The following SOBP variants were observed in gnomAD, a reference collection of about 807,000 sequenced individuals.
The protein encoded by SOBP is sine oculis binding protein homolog.
In SOBP, 4 loss-of-function variants were observed where a neutral mutation model predicts 53.6. The observed-to-expected ratio is 0.07, with a 90% CI of 0.04 to 0.17. SOBP has a LOEUF of 0.17. SOBP is among the 10% of genes least tolerant of loss of function. SOBP has a pLI of 1.00. For missense variants in SOBP, 1,088 were observed against 1,204.7 expected (o/e 0.90, Z 1.43); for synonymous variants, 584 against 522.6 (o/e 1.12, Z -1.60).
At chr6:107,595,561 T>C (rs1167976587) in intron 5 of SOBP, among the ~76,000 whole-genome samples, 2 of 152,104 alleles carry the variant, frequency 1.3e-5, no homozygotes, top group Non-Finnish European at 2.9e-5. Flanking sequence ...CAAAGAGAAT[T>C]CACCTCCAGT....
chr6:107,524,821 T>C (rs907332156), intron 3 of SOBP, among the ~76,000 whole-genome samples: 13 of 152,196 alleles, frequency 8.5e-5, no homozygotes, highest in Non-Finnish European at 1.6e-4. Context: ...TCAGTGCTGA[T>C]GTAGGGCAGT....
Position 107,624,492 on chromosome 6 carries a change from G to A in SOBP, c.670-9022G>A, listed in dbSNP as rs149449860. Among the ~76,000 whole-genome samples, 369 of 152,332 alleles carry A rather than the reference G, an allele frequency of 2.4e-3. 3 individuals are homozygous for A. Among genetic ancestry groups the A allele is most frequent in the African/African-American group, 8.5e-3 (353 of 41,558 alleles). On this transcript the variant is annotated intron_variant, in intron 5 of 6. Transcript: ENST00000317357. Reference sequence around the variant, plus strand: ...TTTTCAAAGACTGAGATTTGGAAGAGGAGTTGATCTGTGCTGGGAGACCCT... The same window carrying A: ...TTTTCAAAGACTGAGATTTGGAAGAAGAGTTGATCTGTGCTGGGAGACCCT...
chr6:107,591,977 T>TTG (rs1554185220), intron 5 of SOBP, among the ~76,000 whole-genome samples: 1 of 95,514 alleles, frequency 1.0e-5, no homozygotes, highest in African/African-American at 3.4e-5. Context: ...TGTTTTTTTT[T>TTG]TTTTTTTTTT....
At chr6:107,496,130 T>C (rs1198121224) in intron 1 of SOBP, among the ~76,000 whole-genome samples, 2 of 152,228 alleles carry the variant, frequency 1.3e-5, no homozygotes, top group Non-Finnish European at 2.9e-5. Flanking sequence ...ATCTCTTATA[T>C]AACCAAAGGC....
intron 3 of SOBP, chr6:107,529,418 A>T: frequency 2.0e-6 from 2 of 983,820 alleles, no homozygotes; most frequent in Non-Finnish European, 2.4e-6. Context: ...CTCAAATATA[A>T]TCCAGGTCTT....
intron 5 of SOBP, among the ~76,000 whole-genome samples, chr6:107,594,802 C>G (rs986061345): frequency 3.9e-5 from 6 of 152,184 alleles, no homozygotes; most frequent in Non-Finnish European, 7.4e-5. Flanking sequence ...ATTGCTGTTT[C>G]CATTTTAGAA....
intron 4 of SOBP, among the ~76,000 whole-genome samples, chr6:107,546,650 A>G (rs1167455499): frequency 6.6e-6 from 1 of 152,222 alleles, no homozygotes; most frequent in Non-Finnish European, 1.5e-5. Context: ...GCCAGACTCT[A>G]AGGAATGACA....
chr6:107,530,556 A>G (rs750416261), intron 3 of SOBP, among the ~76,000 whole-genome samples: 4 of 152,060 alleles, frequency 2.6e-5, no homozygotes, highest in Non-Finnish European at 4.4e-5. Flanking sequence ...AAAGACTTTT[A>G]TAAATCTAGA....
intron 4 of SOBP, among the ~76,000 whole-genome samples, chr6:107,539,650 G>A (rs545647775): frequency 7.9e-5 from 12 of 152,332 alleles, no homozygotes; most frequent in Admixed American, 2.0e-4. Flanking sequence ...TGATGAATGT[G>A]CGTGTTTGGA....
intron 3 of SOBP, among the ~76,000 whole-genome samples, chr6:107,530,986 A>T: frequency 6.6e-6 from 1 of 152,342 alleles, no homozygotes; most frequent in Admixed American, 6.5e-5. Context: ...GTGATGATGG[A>T]TTGAAGCTTG....
chr6:107,618,321 A>C (rs1024904758), intron 5 of SOBP, among the ~76,000 whole-genome samples: 1 of 152,218 alleles, frequency 6.6e-6, no homozygotes, highest in Non-Finnish European at 1.5e-5. Flanking sequence ...TTATTAGGCC[A>C]TGAAGTATTT....
At chr6:107,598,457 G>A (rs182232182) in intron 5 of SOBP, among the ~76,000 whole-genome samples, 2 of 152,272 alleles carry the variant, frequency 1.3e-5, no homozygotes, top group East Asian at 1.9e-4. Flanking sequence ...TGATGAGAGG[G>A]GTGCGCATCA....
chr6:107,532,959 A>G (rs529633763), intron 3 of SOBP, among the ~76,000 whole-genome samples: 2 of 152,270 alleles, frequency 1.3e-5, no homozygotes, highest in South Asian at 4.1e-4. Flanking sequence ...ACAATAGCAC[A>G]TATCATTTAA....
At chr6:107,506,732 G>C (rs887885585) in intron 3 of SOBP, among the ~76,000 whole-genome samples, 11 of 151,888 alleles carry the variant, frequency 7.2e-5, no homozygotes, top group Admixed American at 4.6e-4. Context: ...AAGATAAAAT[G>C]GTTTTTAAAA....
chr6:107,528,324 C>G (rs2114980604), intron 3 of SOBP, among the ~76,000 whole-genome samples: 1 of 152,244 alleles, frequency 6.6e-6, no homozygotes, highest in East Asian at 1.9e-4. Context: ...CTTGAAATTA[C>G]AGAGGTAGGG....
intron 6 of SOBP, among the ~76,000 whole-genome samples, chr6:107,643,113 A>G (rs2753104): frequency 1.3e-5 from 2 of 152,170 alleles, no homozygotes; most frequent in Non-Finnish European, 2.9e-5. Flanking sequence ...AGAAGGGGAA[A>G]CCCTATATTT....
intron 5 of SOBP, among the ~76,000 whole-genome samples, chr6:107,589,063 G>A (rs1785662031): frequency 6.6e-6 from 1 of 152,192 alleles, no homozygotes; most frequent in Non-Finnish European, 1.5e-5. Context: ...TCATAAGAAA[G>A]AAATAGGAAA....
chr6:107,504,840 A>G (rs1174810229), intron 2 of SOBP, among the ~76,000 whole-genome samples: 1 of 152,250 alleles, frequency 6.6e-6, no homozygotes, highest in Admixed American at 6.5e-5. Flanking sequence ...AGATAGTATC[A>G]TCAATTTCAC....
chr6:107,563,672 C>G (rs1304608893), intron 4 of SOBP, among the ~76,000 whole-genome samples: 1 of 149,986 alleles, frequency 6.7e-6, no homozygotes, highest in Non-Finnish European at 1.5e-5. Flanking sequence ...TTTTTTATTT[C>G]TATTGAAAAA....
Sources: gnomAD v4.1 joint callset for allele counts (sites outside exome capture counted in the v4.1 genomes callset) on GRCh38, gnomAD v4.1.1 for gene constraint, MANE v1.5 for transcripts, NCBI Gene and HGNC (gene_info 2026-07-23, HGNC 2026-07-21) for gene names.